The following DAB1 variants were observed in gnomAD, a reference collection of about 807,000 sequenced individuals.
DAB1 encodes the protein DAB adaptor protein 1.
A neutral mutation model predicts 64.6 loss-of-function variants in DAB1; 15 were observed. The observed-to-expected ratio is 0.23, with a 90% confidence interval of 0.16 to 0.36. The LOEUF is 0.36. Among genes scored for constraint, DAB1 ranks in the 10% least tolerant of loss-of-function variants. The pLI, the probability that DAB1 is intolerant of heterozygous loss-of-function variation, is 1.00. For missense variants in DAB1, 596 were observed against 706.7 expected (o/e 0.84, Z 1.78); for synonymous variants, 235 against 251.9 (o/e 0.93, Z 0.64).
At chr1:58,224,861 G>C (rs550242226) in intron 4 of DAB1, among the ~76,000 whole-genome samples, 2 of 152,142 alleles carry the variant, frequency 1.3e-5, no homozygotes, top group East Asian at 3.9e-4. Flanking sequence ...AAAAACCCTA[G>C]AAGAAAACCT....
At chr1:57,820,477 T>TTTTA (rs1652066179) in intron 6 of DAB1, among the ~76,000 whole-genome samples, 1 of 152,208 alleles carries the variant, frequency 6.6e-6, no homozygotes. Context: ...TCTTACTTTC[T>TTTTA]TTTACATCAT....
At chr1:57,870,726 T>C (rs1424864114) in intron 1 of DAB1, among the ~76,000 whole-genome samples, 1 of 152,092 alleles carries the variant, frequency 6.6e-6, no homozygotes, top group African/African-American at 2.4e-5. Context: ...AATGAGTAAA[T>C]GATTTGGACA....
intron 1 of DAB1, among the ~76,000 whole-genome samples, chr1:57,387,726 G>A (rs1305335844): frequency 6.7e-6 from 1 of 149,552 alleles, no homozygotes; most frequent in Non-Finnish European, 1.5e-5. Context: ...GGAGGCTGAG[G>A]CAGAAGAATT....
chr1:57,234,400 T>C (rs59069448), intron 2 of DAB1, among the ~76,000 whole-genome samples: 6,223 of 152,284 alleles, frequency 0.041, 419 homozygotes, highest in African/African-American at 0.14. Context: ...TTAATTTCCA[T>C]ATTTATAAAG....
intron 3 of DAB1, among the ~76,000 whole-genome samples, chr1:58,495,370 G>C (rs1351859001): frequency 6.6e-6 from 1 of 152,024 alleles, no homozygotes; most frequent in Non-Finnish European, 1.5e-5. Flanking sequence ...GTATATATAT[G>C]TAACACACCT....
intron 6 of DAB1, among the ~76,000 whole-genome samples, chr1:57,754,156 G>A (rs1340257813): frequency 6.6e-6 from 1 of 152,152 alleles, no homozygotes; most frequent in Non-Finnish European, 1.5e-5. Context: ...TTTGGCCACA[G>A]CTCTGTTTTA....
chr1:57,638,124 G>A (rs1030399257), intron 7 of DAB1, among the ~76,000 whole-genome samples: 1 of 152,024 alleles, frequency 6.6e-6, no homozygotes, highest in Non-Finnish European at 1.5e-5. Flanking sequence ...CCAAATGAGG[G>A]ATGATGGTTA....
intron 6 of DAB1, among the ~76,000 whole-genome samples, chr1:57,770,025 T>C (rs1321291098): frequency 2.0e-5 from 3 of 152,144 alleles, no homozygotes; most frequent in Non-Finnish European, 2.9e-5. Flanking sequence ...AAGGGCAGCA[T>C]TGGATTATGT....
At chr1:58,433,734 A>G (rs1256316956) in intron 3 of DAB1, among the ~76,000 whole-genome samples, 1 of 152,136 alleles carries the variant, frequency 6.6e-6, no homozygotes, top group African/African-American at 2.4e-5. Context: ...ACCCATTCAC[A>G]CAATAACCCA....
intron 6 of DAB1, among the ~76,000 whole-genome samples, chr1:57,698,654 T>C (rs958092399): frequency 6.6e-6 from 1 of 152,142 alleles, no homozygotes; most frequent in African/African-American, 2.4e-5. Flanking sequence ...GAGAAATGAT[T>C]GAATAAATGA....
intron 5 of DAB1, among the ~76,000 whole-genome samples, chr1:58,017,146 A>G (rs1246083230): frequency 2.0e-5 from 3 of 151,850 alleles, no homozygotes; most frequent in Admixed American, 6.6e-5. Flanking sequence ...TCATCCTTGC[A>G]TGGGGTTGGC....
intron 9 of DAB1, among the ~76,000 whole-genome samples, chr1:57,058,990 G>C (rs776007864): frequency 6.6e-6 from 1 of 152,208 alleles, no homozygotes; most frequent in Non-Finnish European, 1.5e-5. Flanking sequence ...AGAAGTATTA[G>C]AGGTAGCCCA....
chr1:57,414,219 C>A (rs999812984), intron 1 of DAB1, among the ~76,000 whole-genome samples: 2 of 147,622 alleles, frequency 1.4e-5, no homozygotes, highest in African/African-American at 2.7e-5. Context: ...ATAGAGAAAT[C>A]TTTCATGAAA....
chr1:57,557,062 A>G (rs1313248652), intron 7 of DAB1, among the ~76,000 whole-genome samples: 4 of 152,128 alleles, frequency 2.6e-5, no homozygotes, highest in Admixed American at 1.3e-4. Flanking sequence ...GATTGGATTG[A>G]AGGACATAAA....
chr1:57,968,486 C>A (rs989788377), intron 5 of DAB1, among the ~76,000 whole-genome samples: 2 of 152,134 alleles, frequency 1.3e-5, no homozygotes, highest in Non-Finnish European at 2.9e-5. Context: ...AAACAAACCT[C>A]TGTCTGTCAG....
In DAB1 at chr1:57,222,638, T is replaced by C. The variant is rs12568928; in HGVS notation, c.67+68326A>G. On this transcript the variant is annotated intron_variant, in intron 2 of 14. Coordinates refer to ENST00000371236, the MANE Select transcript of DAB1 (RefSeq NM_001365792.1). ...GAGCCAGGCTGGGCCTTGTTCACAA[T>C]GCCAGGGAATCTGGACCTGATTCAC... Among the ~76,000 whole-genome samples the C allele has an allele frequency of 7.6e-3, 1,164 of 152,288 alleles. 31 individuals are homozygous for C. In the East Asian group the frequency reaches 0.081, roughly 11 times the overall value.
chr1:57,680,562 A>C (rs1231116722), intron 6 of DAB1, among the ~76,000 whole-genome samples: 1 of 152,186 alleles, frequency 6.6e-6, no homozygotes, highest in African/African-American at 2.4e-5. Context: ...CTCATATCAC[A>C]TCACTTCATC....
At chr1:57,153,675 T>C (rs1360706913) in intron 2 of DAB1, among the ~76,000 whole-genome samples, 1 of 152,100 alleles carries the variant, frequency 6.6e-6, no homozygotes, top group Non-Finnish European at 1.5e-5. Flanking sequence ...TCTTGCTCTG[T>C]CACTCAGGCT....
At chr1:57,471,891 G>A (rs957727280) in intron 7 of DAB1, among the ~76,000 whole-genome samples, 1 of 152,170 alleles carries the variant, frequency 6.6e-6, no homozygotes, top group African/African-American at 2.4e-5. Flanking sequence ...TAATGTAAAT[G>A]TGGATGTTTG....
Sources: allele counts gnomAD v4.1 joint callset (sites outside exome capture counted in the v4.1 genomes callset), GRCh38; gene constraint gnomAD v4.1.1; transcripts MANE v1.5; gene names NCBI Gene and HGNC (gene_info 2026-07-23, HGNC 2026-07-21).